Variants in TMC1 observed in about 807,000 individuals in gnomAD.
TMC1 encodes transmembrane channel like 1.
In TMC1, 84 loss-of-function variants were observed where a neutral mutation model predicts 105.8. The observed-to-expected ratio is 0.79, with a 90% CI of 0.67 to 0.95. TMC1 has a LOEUF of 0.95. Ranked by LOEUF, TMC1 falls within the 40% of genes least tolerant of loss-of-function variation. The probability of loss-of-function intolerance (pLI) is 0.00; values close to 1 mark genes in which losing one functional copy is unlikely to be tolerated. For synonymous variants in TMC1, 315 were observed against 311.5 expected, an observed-to-expected ratio of 1.01 and a Z score of -0.12; for missense variants, 817 against 914.1, an observed-to-expected ratio of 0.89 and a Z score of 1.37.
chr9:72,790,004 G>A (rs1368687817), intron 15 of TMC1, among the ~76,000 whole-genome samples: 4 of 152,124 alleles, frequency 2.6e-5, no homozygotes, highest in Non-Finnish European at 1.5e-5. Context: ...TAGAGTATCT[G>A]CCCATTTAGT....
At chr9:72,814,896 TTGTGTGTGTGTGTGTGTGTGTGTG>T (rs57564294) in intron 18 of TMC1, among the ~76,000 whole-genome samples, 4 of 119,234 alleles carry the variant, frequency 3.4e-5, no homozygotes, top group South Asian at 6.8e-4. Context: ...TGGATCATCT[TTGTGTGTGTGTGTGTGTGTGTGTG>T]TGTGTGTGTG....
At chr9:72,559,876 G>A (rs974172384) in intron 1 of TMC1, among the ~76,000 whole-genome samples, 6 of 152,208 alleles carry the variant, frequency 3.9e-5, no homozygotes. Flanking sequence ...TGTTCAGATG[G>A]ATTTAGCAAG....
chr9:72,759,647 TCTACATAGGCTA>T (rs1827724424), intron 12 of TMC1, among the ~76,000 whole-genome samples: 1 of 152,216 alleles, frequency 6.6e-6, no homozygotes, highest in Non-Finnish European at 1.5e-5. Context: ...ACAAGCTGCC[TCTACATAGGCTA>T]CTAGGAGCCA....
chr9:72,731,762 G>C (rs1827214974), intron 8 of TMC1, among the ~76,000 whole-genome samples: 1 of 152,096 alleles, frequency 6.6e-6, no homozygotes, highest in Non-Finnish European at 1.5e-5. Flanking sequence ...CCCCAGGTAT[G>C]TTTTCATCTC....
chr9:72,648,552 G>C, intron 4 of TMC1, 45 bp from the exon 5 acceptor site: 1 of 1,075,346 alleles, frequency 9.3e-7, no homozygotes, highest in Non-Finnish European at 1.5e-6. Context: ...GAAGTGTGTG[G>C]ATGTGCTAGA....
intron 23 of TMC1, among the ~76,000 whole-genome samples, chr9:72,832,250 C>A (rs894805522): frequency 7.2e-5 from 11 of 152,140 alleles, no homozygotes; most frequent in Non-Finnish European, 1.5e-4. Flanking sequence ...CTGTGCCCAG[C>A]ATTCAGGGCA....
Position 72,732,741 on chromosome 9 carries a change from A to G in TMC1, c.363-7378A>G, listed in dbSNP as rs987768057. ...GGAAACTGGGAGCACTGAGCTCAAA[A>G]AGAGTAGAGCTGTGCTACTTACTAG... On this transcript the variant is annotated intron_variant, in intron 8 of 23. Coordinates refer to ENST00000297784, the MANE Select transcript of TMC1 (RefSeq NM_138691.3). Among the ~76,000 whole-genome samples the G allele has an allele frequency of 1.3e-5, 2 of 152,302 alleles. 1 individual carries two copies. The highest frequency in any genetic ancestry group is 4.1e-4 in the South Asian group (2 of 4,822).
intron 10 of TMC1, 50 bp downstream of exon 10, chr9:72,742,575 C>G (rs1827408920): frequency 1.4e-6 from 2 of 1,456,062 alleles, no homozygotes; most frequent in Non-Finnish European, 9.6e-7. Context: ...AGAGAAGTAT[C>G]TCATAAGCTT....
intron 17 of TMC1, among the ~76,000 whole-genome samples, chr9:72,802,227 CTACATACATACATACA>C (rs563960605): frequency 1.3e-5 from 2 of 149,296 alleles, no homozygotes; most frequent in Non-Finnish European, 3.0e-5. Flanking sequence ...ACCCCTGTCT[CTACATACATACATACA>C]TACATACATA....
At chr9:72,830,263 C>T (rs1454071484) in intron 21 of TMC1, among the ~76,000 whole-genome samples, 188 bp from the exon 22 acceptor site, 1 of 152,172 alleles carries the variant, frequency 6.6e-6, no homozygotes, top group African/African-American at 2.4e-5. Flanking sequence ...ATCCCTATGT[C>T]ATCCTGAATG....
chr9:72,614,178 C>T (rs1241022643), intron 2 of TMC1, among the ~76,000 whole-genome samples: 1 of 152,140 alleles, frequency 6.6e-6, no homozygotes, highest in African/African-American at 2.4e-5. Context: ...ACCTTCACCC[C>T]CACACATTGT....
At chr9:72,670,549 T>A (rs149795213) in intron 5 of TMC1, among the ~76,000 whole-genome samples, 94 of 152,146 alleles carry the variant, frequency 6.2e-4, no homozygotes, top group African/African-American at 2.2e-3. Flanking sequence ...TGAAAATAAA[T>A]ACCCATAATT....
At chr9:72,828,951 T>G (rs1175920829) in intron 21 of TMC1, among the ~76,000 whole-genome samples, 1 of 152,226 alleles carries the variant, frequency 6.6e-6, no homozygotes. Context: ...AAAACCATTC[T>G]TAATTCATGG....
rs113704544 is a variant in TMC1, at chr9:72,834,639, A to G, written c.2261-1312A>G. Among the ~76,000 whole-genome samples, 103 of 152,292 alleles carry G rather than the reference A, an allele frequency of 6.8e-4. 1 individual carries two copies. Among genetic ancestry groups the G allele is most frequent in the African/African-American group, 2.4e-3 (99 of 41,550 alleles). On this transcript the variant is annotated intron_variant, in intron 23 of 23. Coordinates refer to ENST00000297784, the MANE Select transcript of TMC1 (RefSeq NM_138691.3). ...ACGGGTGGGGCTCAGCTTTCAACCT[A>G]CAAATGCTCACTTAGCCCCCTCTTT... is the stretch of plus-strand genomic sequence containing the variant.
intron 4 of TMC1, among the ~76,000 whole-genome samples, chr9:72,638,760 C>G (rs1825575904): frequency 6.6e-6 from 1 of 152,148 alleles, no homozygotes; most frequent in Non-Finnish European, 1.5e-5. Flanking sequence ...TGGCGAAGGT[C>G]ACAGAGCTAC....
chr9:72,759,834 A>G (rs1422780057), intron 12 of TMC1, among the ~76,000 whole-genome samples: 1 of 152,162 alleles, frequency 6.6e-6, no homozygotes, highest in Non-Finnish European at 1.5e-5. Context: ...GAGGCTCCTA[A>G]TCTAGTGTTC....
intron 10 of TMC1, among the ~76,000 whole-genome samples, chr9:72,745,706 G>A (rs1383258984): frequency 6.6e-6 from 1 of 152,126 alleles, no homozygotes; most frequent in Non-Finnish European, 1.5e-5. Context: ...TATAGGTAAA[G>A]CATGTATCTG....
At chr9:72,791,597 G>A (rs2118190620) in intron 15 of TMC1, among the ~76,000 whole-genome samples, 1 of 152,254 alleles carries the variant, frequency 6.6e-6, no homozygotes, top group South Asian at 2.1e-4. Context: ...AGAACAATAT[G>A]TGTTCTCTGT....
chr9:72,827,644 C>G (rs1828977214), intron 21 of TMC1, among the ~76,000 whole-genome samples: 1 of 152,206 alleles, frequency 6.6e-6, no homozygotes, highest in East Asian at 1.9e-4. Flanking sequence ...GCTTCTGACT[C>G]TTGGCCATCA....
Sources: allele counts gnomAD v4.1 joint callset (sites outside exome capture counted in the v4.1 genomes callset), GRCh38; gene constraint gnomAD v4.1.1; transcripts MANE v1.5; gene names NCBI Gene and HGNC (gene_info 2026-07-23, HGNC 2026-07-21).